The following DLG2 variants were observed in gnomAD, a reference collection of about 807,000 sequenced individuals.
DLG2 encodes disks large homolog 2.
In DLG2, 45 loss-of-function variants were observed where a neutral mutation model predicts 132.5. The observed-to-expected ratio is 0.34, with a 90% CI of 0.27 to 0.44. The LOEUF (loss-of-function observed/expected upper bound fraction) is 0.44, where lower values mean the gene tolerates loss of function less well. DLG2 is among the 20% of genes least tolerant of loss of function. DLG2 has a pLI of 1.00. For synonymous variants in DLG2, 424 were observed against 419.6 expected (o/e 1.01, Z -0.13); for missense variants, 1,045 against 1,196.9 (o/e 0.87, Z 1.87).
intron 17 of DLG2, among the ~76,000 whole-genome samples, chr11:83,824,942 T>C (rs548229657): frequency 1.9e-4 from 29 of 152,126 alleles, no homozygotes; most frequent in African/African-American, 7.0e-4. Context: ...ACACATTGAA[T>C]AAGCAAGACT....
intron 6 of DLG2, among the ~76,000 whole-genome samples, chr11:84,672,899 A>G (rs774855504): frequency 7.2e-5 from 11 of 152,140 alleles, no homozygotes; most frequent in African/African-American, 2.7e-4. Flanking sequence ...GCATCTGGGA[A>G]GGCCTCAGGG....
chr11:83,796,138 T>C (rs1270781345), intron 17 of DLG2, among the ~76,000 whole-genome samples: 2 of 152,190 alleles, frequency 1.3e-5, no homozygotes, highest in Non-Finnish European at 2.9e-5. Flanking sequence ...AAAAGAGGAT[T>C]GTGAGTGAAT....
chr11:85,027,328 A>AT lies in DLG2; in HGVS notation c.357+84332dup, dbSNP rs543280864. On this transcript the variant is annotated intron_variant, in intron 6 of 27. Coordinates refer to ENST00000376104, the MANE Select transcript of DLG2 (RefSeq NM_001142699.3). The stretch of plus-strand genomic sequence containing the variant: ...CAATGTCTGGAGGTTGGGTTATTCG[A>AT]TTTTTTTTGTTTCCCTTTTCTTTAC... Among the ~76,000 whole-genome samples the AT allele has an allele frequency of 4.3e-3, 660 of 151,938 alleles. 4 individuals are homozygous for AT. The highest frequency in any genetic ancestry group is 0.014 in the African/African-American group (596 of 41,460).
At chr11:83,731,446 G>A (rs796353831) in intron 18 of DLG2, among the ~76,000 whole-genome samples, 6 of 152,252 alleles carry the variant, frequency 3.9e-5, no homozygotes, top group African/African-American at 1.4e-4. Flanking sequence ...CTTCATCCAT[G>A]TCCCTGCAAA....
chr11:85,510,877 C>A (rs1159694731), intron 3 of DLG2, among the ~76,000 whole-genome samples: 1 of 152,050 alleles, frequency 6.6e-6, no homozygotes, highest in East Asian at 1.9e-4. Flanking sequence ...ACTGGGTATA[C>A]ACCCAAAGGA....
intron 3 of DLG2, among the ~76,000 whole-genome samples, chr11:85,495,332 A>G (rs1400410283): frequency 1.3e-5 from 2 of 152,140 alleles, no homozygotes; most frequent in Non-Finnish European, 2.9e-5. Context: ...AATATACTCT[A>G]GAAGTGAACA....
chr11:85,610,581 C>T (rs551522709), intron 2 of DLG2, among the ~76,000 whole-genome samples: 1 of 152,326 alleles, frequency 6.6e-6, no homozygotes, highest in Non-Finnish European at 1.5e-5. Context: ...GGCCCAAGAT[C>T]TAGGCCACTT....
intron 15 of DLG2, among the ~76,000 whole-genome samples, chr11:83,890,058 T>C (rs2069268597): frequency 2.0e-5 from 3 of 151,992 alleles, no homozygotes; most frequent in African/African-American, 7.2e-5. Flanking sequence ...CATGTATACA[T>C]ATGTAACTAA....
intron 18 of DLG2, among the ~76,000 whole-genome samples, chr11:83,733,681 G>A (rs2091417446): frequency 6.6e-6 from 1 of 152,160 alleles, no homozygotes; most frequent in Admixed American, 6.5e-5. Flanking sequence ...TCTAGCCCAG[G>A]CTAACTATGC....
chr11:85,267,029 C>T (rs2077255201), intron 4 of DLG2, among the ~76,000 whole-genome samples: 1 of 152,172 alleles, frequency 6.6e-6, no homozygotes, highest in Non-Finnish European at 1.5e-5. Context: ...TCCATCTCTA[C>T]TTTAGGATTT....
At chr11:84,117,590 G>C (rs1022147462) in intron 9 of DLG2, among the ~76,000 whole-genome samples, 3 of 152,104 alleles carry the variant, frequency 2.0e-5, no homozygotes, top group Non-Finnish European at 4.4e-5. Flanking sequence ...TGTGAGGCTT[G>C]TGTGACTCAC....
chr11:85,092,382 A>G (rs1295450266), intron 6 of DLG2, among the ~76,000 whole-genome samples: 1 of 152,146 alleles, frequency 6.6e-6, no homozygotes, highest in African/African-American at 2.4e-5. Context: ...CACAATCCTA[A>G]CAAATTAAAA....
chr11:85,254,930 C>T (rs767463900), intron 4 of DLG2, among the ~76,000 whole-genome samples: 8 of 150,078 alleles, frequency 5.3e-5, no homozygotes, highest in Admixed American at 6.7e-5. Context: ...ACCCAGGAGG[C>T]GGAGCTTATA....
At chr11:85,339,223 T>C (rs1565345724) in intron 3 of DLG2, among the ~76,000 whole-genome samples, 2 of 152,226 alleles carry the variant, frequency 1.3e-5, no homozygotes, top group Admixed American at 1.3e-4. Flanking sequence ...CAGTACTCCA[T>C]GTGGATTTGC....
At chr11:84,127,148 A>T (rs982264172) in intron 9 of DLG2, among the ~76,000 whole-genome samples, 4 of 152,208 alleles carry the variant, frequency 2.6e-5, no homozygotes, top group Non-Finnish European at 5.9e-5. Context: ...TTGTGATTAT[A>T]AGTTATACAT....
intron 18 of DLG2, among the ~76,000 whole-genome samples, chr11:83,785,694 G>A (rs1594330008): frequency 2.0e-5 from 3 of 152,208 alleles, no homozygotes; most frequent in East Asian, 1.9e-4. Flanking sequence ...TTAATGGTAA[G>A]ATCTAAGCTG....
intron 12 of DLG2, among the ~76,000 whole-genome samples, chr11:83,971,132 T>G (rs914533848): frequency 1.3e-5 from 2 of 152,166 alleles, no homozygotes; most frequent in Admixed American, 1.3e-4. Context: ...TTCTTTTTTT[T>G]CTCATTTGCA....
intron 14 of DLG2, among the ~76,000 whole-genome samples, chr11:83,952,103 G>T (rs982059547): frequency 6.6e-6 from 1 of 152,150 alleles, no homozygotes; most frequent in Admixed American, 6.5e-5. Flanking sequence ...CCAGCACTTT[G>T]GGAGGCTAAG....
chr11:84,894,653 C>A (rs193218689), intron 6 of DLG2, among the ~76,000 whole-genome samples: 1 of 152,068 alleles, frequency 6.6e-6, no homozygotes, highest in African/African-American at 2.4e-5. Flanking sequence ...GAGTAAGTAG[C>A]CACATTGTTG....
Sources: allele counts gnomAD v4.1 joint callset (sites outside exome capture counted in the v4.1 genomes callset), GRCh38; gene constraint gnomAD v4.1.1; transcripts MANE v1.5; gene names NCBI Gene and HGNC (gene_info 2026-07-23, HGNC 2026-07-21).